Variants in SCAF11 observed in about 807,000 individuals in gnomAD.
The protein encoded by SCAF11 is SR-related CTD associated factor 11, also known as protein SCAF11.
A neutral mutation model predicts 140.5 loss-of-function variants in SCAF11; 47 were observed. That is an observed-to-expected ratio of 0.33 (90% CI 0.26 to 0.43). SCAF11 has a LOEUF of 0.43. Among genes scored for constraint, SCAF11 ranks in the 20% least tolerant of loss-of-function variants. SCAF11 has a pLI of 1.00. For missense variants in SCAF11, 1,645 were observed against 1,705.1 expected (o/e 0.96, Z 0.62); for synonymous variants, 557 against 579.4 (o/e 0.96, Z 0.55).
intron 10 of SCAF11, 118 bp downstream of exon 10, chr12:45,931,388 A>T: frequency 2.0e-6 from 1 of 490,284 alleles, no homozygotes; most frequent in Non-Finnish European, 3.5e-6. Context: ...AGACGTATTT[A>T]CAAGTTACTA....
intron 3 of SCAF11, 35 bp from the exon 4 acceptor site, chr12:45,951,762 T>A (rs376371228): frequency 3.0e-6 from 4 of 1,339,564 alleles, no homozygotes; most frequent in African/African-American, 1.4e-5. Context: ...TCTTTACAAA[T>A]GTTTCTTTAG....
At chr12:45,959,483 A>G (rs754024896) in intron 3 of SCAF11, among the ~76,000 whole-genome samples, 1 of 152,214 alleles carries the variant, frequency 6.6e-6, no homozygotes, top group Non-Finnish European at 1.5e-5. Context: ...ATGGCCTGTT[A>G]GAAGGCTGAA....
At chr12:45,987,567 T>G (rs1158261569) in intron 1 of SCAF11, among the ~76,000 whole-genome samples, 1 of 152,034 alleles carries the variant, frequency 6.6e-6, no homozygotes, top group East Asian at 1.9e-4. Context: ...TGGAGAAAAA[T>G]CTAGCATAAA....
Position 45,926,056 on chromosome 12 carries a change from G to A in SCAF11, c.3559+86C>T, listed in dbSNP as rs1045643668. The A allele has an allele frequency of 5.1e-6, 7 of 1,362,922 alleles. 1 individual carries two copies. The Admixed American group carries it at 1.7e-4, about 32-fold the overall frequency. The allele number at this position is 1,362,922 out of a possible 1,614,324, so 84.4% of individuals were successfully genotyped here. ...AGCTTATTATAAAAACTACAAATAA[G>A]GATCATTTCAACTCATACAAATAAC... On this transcript the variant is annotated intron_variant, in intron 11 of 14. Coordinates refer to ENST00000369367, the MANE Select transcript of SCAF11 (RefSeq NM_004719.3).
chr12:45,972,921 GATATATAGAT>G lies in SCAF11; in HGVS notation c.-21-8743_-21-8734del, dbSNP rs777257341. 1.4e-3 allele frequency among the ~76,000 whole-genome samples: 81 copies of G among 59,700 alleles called. 2 individuals are homozygous for G. The highest frequency in any genetic ancestry group is 0.015 in the Middle Eastern group (2 of 130). The allele number at this position is 59,700 out of a possible 152,430, so 39.2% of individuals were successfully genotyped here. A position where few individuals can be genotyped will look rare whatever the true frequency, so the allele number is the denominator to read the frequency against. On this transcript the variant is annotated intron_variant, in intron 1 of 14. Transcript: ENST00000369367. Reference sequence around the variant, plus strand: ...ATATATATATATAGATATATATATAGATATATAGATATATATAGATATATATATAGATATA... The same window carrying G: ...ATATATATATATAGATATATATATAGATATATAGATATATATATAGATATA...
Position 45,931,533 on chromosome 12 carries a change from T to C in SCAF11, c.814A>G (p.Thr272Ala). The part of the protein sequence containing the change: ...SSVLPRTIFP[T>A]STISFEHFGT... ...AAATGTTCGAAAGATATGGTACTTGTTGGAAAAATAGTTCTTGGCAACACA... is the reference window on the plus strand; with the variant it reads ...AAATGTTCGAAAGATATGGTACTTGCTGGAAAAATAGTTCTTGGCAACACA... Residue 272 changes from threonine to alanine, a missense_variant, in exon 10 of 15, where the codon ACA becomes GCA. Physicochemically the swap from Thr to Ala is moderately conservative, Grantham distance 58 (BLOSUM62 0). Coordinates refer to ENST00000369367, the MANE Select transcript of SCAF11 (RefSeq NM_004719.3). The C allele has an allele frequency of 1.3e-6, 2 of 1,495,472 alleles. No homozygotes were observed. The highest frequency in any genetic ancestry group is 1.8e-6 in the Non-Finnish European group (2 of 1,126,442). The allele number at this position is 1,495,472 out of a possible 1,614,324, so 92.6% of individuals were successfully genotyped here.
intron 6 of SCAF11, among the ~76,000 whole-genome samples, chr12:45,934,742 CA>C (rs1285415685): frequency 6.6e-6 from 1 of 152,224 alleles, no homozygotes; most frequent in Non-Finnish European, 1.5e-5. Context: ...TGAAGTATGT[CA>C]AACCTGCTAT....
intron 6 of SCAF11, among the ~76,000 whole-genome samples, chr12:45,941,004 A>G (rs973229778): frequency 1.2e-4 from 18 of 152,112 alleles, no homozygotes; most frequent in African/African-American, 4.3e-4. Flanking sequence ...GGGTTTCGCC[A>G]CGTTGCCTCA....
chr12:45,992,001 TC>T (rs759998052), upstream of SCAF11: 5 of 1,288,794 alleles, frequency 3.9e-6, no homozygotes, highest in South Asian at 5.0e-5. Context: ...ATGAGTTTCC[TC>T]CCCACTTTGC....
At chr12:45,984,366 T>C (rs1225800946) in intron 1 of SCAF11, among the ~76,000 whole-genome samples, 1 of 152,246 alleles carries the variant, frequency 6.6e-6, no homozygotes, top group Non-Finnish European at 1.5e-5. Context: ...TATGGTTAGA[T>C]TCAGGTTGTA....
At chr12:45,979,420 G>A (rs1946303206) in intron 1 of SCAF11, among the ~76,000 whole-genome samples, 1 of 152,076 alleles carries the variant, frequency 6.6e-6, no homozygotes, top group Admixed American at 6.5e-5. Flanking sequence ...AAGGGATGAT[G>A]TTCAAAACAC....
rs199882318 is a variant in SCAF11, at chr12:45,923,038, C to T, written c.4023G>A (p.Ser1341=). The T allele has an allele frequency of 3.7e-4, 601 of 1,614,032 alleles. No homozygotes were observed. The highest frequency in any genetic ancestry group is 4.9e-4 in the Non-Finnish European group (575 of 1,180,022). Residue 1341 remains serine, a synonymous_variant, in exon 13 of 15, where the codon TCG becomes TCA. Coordinates refer to ENST00000369367, the MANE Select transcript of SCAF11 (RefSeq NM_004719.3). ...MVQGPSSGNT[S]SSSHSKASNA... ...TAGAGGCTTTGCTGTGACTTGATGACGAAGTATTACCAGAACTTGGTCCCT... is the reference window on the plus strand; with the variant it reads ...TAGAGGCTTTGCTGTGACTTGATGATGAAGTATTACCAGAACTTGGTCCCT...
At chr12:45,976,607 A>G (rs780076616) in intron 1 of SCAF11, among the ~76,000 whole-genome samples, 6 of 152,136 alleles carry the variant, frequency 3.9e-5, no homozygotes, top group East Asian at 1.9e-4. Flanking sequence ...TACTAAAAAA[A>G]TGTTCAAATA....
intron 6 of SCAF11, chr12:45,945,042 T>C: frequency 1.9e-6 from 1 of 533,548 alleles, no homozygotes; most frequent in Non-Finnish European, 3.3e-6. Flanking sequence ...CACACACCCC[T>C]TTTAAGAGGA....
In SCAF11 at chr12:45,923,027, T is replaced by C; in HGVS notation, c.4034A>G (p.His1345Arg). The change falls in exon 13 of 15, where the codon CAC (histidine) becomes CGC (arginine). Residue 1345 changes from histidine (H) to arginine (R), a missense_variant. His to Arg is a conservative substitution (Grantham distance 29). Around this residue, in one of 2 missense-constraint regions of SCAF11, gnomAD observed 1,582 missense variants for 1,609.2 expected, o/e 0.98. Transcript: ENST00000369367. ...TACAGCAGCATTAGAGGCTTTGCTGTGACTTGATGACGAAGTATTACCAGA... is the reference window on the plus strand; with the variant it reads ...TACAGCAGCATTAGAGGCTTTGCTGCGACTTGATGACGAAGTATTACCAGA... ...PSSGNTSSSS[H>R]SKASNAAVKL... 1 of 1,614,200 alleles carries C rather than the reference T, an allele frequency of 6.2e-7. No individual in the cohort carries two copies. The highest frequency in any genetic ancestry group is 8.5e-7 in the Non-Finnish European group (1 of 1,180,028).
chr12:45,940,052 T>C (rs1239262343), intron 6 of SCAF11, among the ~76,000 whole-genome samples: 1 of 152,210 alleles, frequency 6.6e-6, no homozygotes, highest in Non-Finnish European at 1.5e-5. Context: ...TTTGCAATAA[T>C]TCCAAGTTAC....
intron 3 of SCAF11, among the ~76,000 whole-genome samples, chr12:45,958,142 T>G (rs1303750058): frequency 6.6e-6 from 1 of 151,634 alleles, no homozygotes; most frequent in Non-Finnish European, 1.5e-5. Flanking sequence ...TGGGCTCGAG[T>G]GATCCACCCT....
Position 45,927,428 on chromosome 12 carries a change from G to A in SCAF11, c.2273C>T (p.Pro758Leu), listed in dbSNP as rs376246573. The change falls in exon 11 of 15, where the codon CCG (proline) becomes CTG (leucine). Residue 758 changes from proline to leucine, a missense_variant. Physicochemically the swap from Pro to Leu is moderately conservative, Grantham distance 98. This residue lies in a region of SCAF11 where 1,582 missense variants were observed against 1,609.2 expected (regional missense o/e 0.98). Coordinates refer to ENST00000369367, the MANE Select transcript of SCAF11 (RefSeq NM_004719.3). ...SVTHCSENNM[P>L]SSDLADEKVE... ...CTTTTCATCCGCAAGATCAGAAGAC[G>A]GCATATTATTTTCAGAACAGTGTGT... The A allele has an allele frequency of 1.7e-5, 27 of 1,613,188 alleles. No individual in the cohort carries two copies. The highest frequency in any genetic ancestry group is 8.8e-5 in the South Asian group (8 of 91,006).
At chr12:45,975,573 GCTTC>G (rs1946214827) in intron 1 of SCAF11, 1 of 189,902 alleles carries the variant, frequency 5.3e-6, no homozygotes, top group Non-Finnish European at 1.0e-5. Context: ...TTCTTCTGCA[GCTTC>G]CTTATCCCTC....
Sources: gnomAD v4.1 joint callset for allele counts (sites outside exome capture counted in the v4.1 genomes callset) on GRCh38, gnomAD v4.1.1 for gene constraint, gnomAD v4.1.1 regional missense constraint, MANE v1.5 for transcripts, NCBI Gene and HGNC (gene_info 2026-07-23, HGNC 2026-07-21) for gene names.